The following APPL1 variants were observed in gnomAD, a reference collection of about 807,000 sequenced individuals.
APPL1 encodes the protein DCC-interacting protein 13-alpha.
APPL1 carries 42 observed loss-of-function variants against 106.8 expected under a neutral mutation model. The ratio of observed to expected loss-of-function variants is 0.39; its 90% confidence interval spans 0.31 to 0.51. The LOEUF is 0.51. Ranked by LOEUF, APPL1 falls within the 20% of genes least tolerant of loss-of-function variation. APPL1 has a pLI of 0.75. For synonymous variants in APPL1, 263 were observed against 281.8 expected (o/e 0.93, Z 0.67); for missense variants, 769 against 858.2 (o/e 0.90, Z 1.30).
chr3:57,231,668 C>T (rs996868882), intron 1 of APPL1, among the ~76,000 whole-genome samples: 2 of 151,742 alleles, frequency 1.3e-5, no homozygotes, highest in African/African-American at 2.4e-5. Flanking sequence ...ATTAGCTGGG[C>T]GTGGTGGCAT....
chr3:57,268,036 T>A, intron 20 of APPL1: 2 of 522,950 alleles, frequency 3.8e-6, no homozygotes, highest in African/African-American at 2.0e-5. Context: ...GAGGTTGCAA[T>A]GAGCCGAGAT....
chr3:57,250,150 C>T (rs1406188329), intron 11 of APPL1, among the ~76,000 whole-genome samples: 1 of 152,006 alleles, frequency 6.6e-6, no homozygotes, highest in Non-Finnish European at 1.5e-5. Context: ...ATTTCTGTTA[C>T]CTTTTTTTGA....
Position 57,273,236 on chromosome 3 carries a change from ATACTAT to A in APPL1, c.*3552_*3557del, listed in dbSNP as rs2060958590. On this transcript the variant is annotated 3_prime_UTR_variant, in exon 22 of 22. Transcript: ENST00000288266. The stretch of plus-strand genomic sequence containing the variant: ...AAGTGAATTGATTCTTATTTCACTG[ATACTAT>A]TAATCATGCAGTGTACAATTCAAAA... The A allele has an allele frequency of 6.6e-6, 1 of 152,652 alleles. No homozygotes were observed. Among genetic ancestry groups the A allele is most frequent in the African/African-American group, 2.4e-5 (1 of 41,460 alleles). 9.5% of individuals were successfully genotyped at this position (152,652 alleles called of 1,614,324 possible).
At position 57,249,390 on chromosome 3, in the gene APPL1, C is replaced by T. The variant is rs201123189; in HGVS notation, c.894C>T (p.Asp298=). 9 of 1,614,136 alleles carry T rather than the reference C, an allele frequency of 5.6e-6. No homozygotes were observed. In the African/African-American group the frequency reaches 9.3e-5, roughly 17 times the overall value. Residue 298 remains aspartate (D), a synonymous_variant, in exon 11 of 22, where the codon GAC becomes GAT. Transcript: ENST00000288266. ...CAGGCTTGGTGTCATCTACCTGGGA[C>T]AGACAGTTTTACTTCACGCAGGGTG... The part of the protein sequence containing the change: ...NKTGLVSSTW[D]RQFYFTQGGN...
At chr3:57,265,146 GT>G (rs200761095) in intron 19 of APPL1, among the ~76,000 whole-genome samples, 1 of 150,934 alleles carries the variant, frequency 6.6e-6, no homozygotes, top group Non-Finnish European at 1.5e-5. Context: ...ATAGTTTTTT[GT>G]TTTTTTTGTT....
intron 7 of APPL1, among the ~76,000 whole-genome samples, chr3:57,244,005 C>T (rs891190331): frequency 1.3e-5 from 2 of 152,084 alleles, no homozygotes; most frequent in East Asian, 1.9e-4. Context: ...TGAAGGCATG[C>T]AGGTGGACTA....
chr3:57,237,615 TCAA>T, intron 3 of APPL1, 64 bp downstream of exon 3: 1 of 1,162,824 alleles, frequency 8.6e-7, no homozygotes, highest in South Asian at 1.6e-5. Flanking sequence ...AGATAGACTT[TCAA>T]CAAGAATCCT....
chr3:57,256,946 A>T lies in APPL1; in HGVS notation c.1153-11A>T, dbSNP rs1364829375. The T allele has an allele frequency of 6.2e-7, 1 of 1,611,792 alleles. No homozygotes were observed. Among genetic ancestry groups the T allele is most frequent in the African/African-American group, 1.3e-5 (1 of 74,750 alleles). ...ACTAATATTAGTCCTTTTTTAAAAA[A>T]ATTGAAATAGGAAACTGCTGCACGA... On this transcript the variant is annotated splice_polypyrimidine_tract_variant and intron_variant, in intron 13 of 21. Transcript: ENST00000288266.
intron 19 of APPL1, among the ~76,000 whole-genome samples, chr3:57,262,159 C>T (rs1212300390): frequency 6.6e-6 from 1 of 151,602 alleles, no homozygotes; most frequent in Non-Finnish European, 1.5e-5. Flanking sequence ...GATATTAGTC[C>T]CCAGTTGGAT....
At chr3:57,243,353 A>C (rs1204090201) in intron 7 of APPL1, among the ~76,000 whole-genome samples, 1 of 152,254 alleles carries the variant, frequency 6.6e-6, no homozygotes, top group Non-Finnish European at 1.5e-5. Context: ...GAAATACAGA[A>C]ATATTACACT....
chr3:57,229,143 A>G (rs1286877085), intron 1 of APPL1, among the ~76,000 whole-genome samples: 1 of 152,252 alleles, frequency 6.6e-6, no homozygotes, highest in Non-Finnish European at 1.5e-5. Flanking sequence ...CATTTGGTTT[A>G]TCTTGACTGC....
chr3:57,249,572 A>G (rs2107603658), intron 11 of APPL1, 24 bp downstream of exon 11: 3 of 1,531,350 alleles, frequency 2.0e-6, no homozygotes, highest in Non-Finnish European at 2.6e-6. Flanking sequence ...TTCTACTACT[A>G]CTAATCTATA....
chr3:57,250,261 A>G (rs1196075749), intron 11 of APPL1, among the ~76,000 whole-genome samples: 1 of 151,996 alleles, frequency 6.6e-6, no homozygotes, highest in Non-Finnish European at 1.5e-5. Flanking sequence ...CTACCTCAGG[A>G]TCCCAAGTTG....
At chr3:57,233,258 AC>A (rs1446138673) in intron 1 of APPL1, among the ~76,000 whole-genome samples, 1 of 152,246 alleles carries the variant, frequency 6.6e-6, no homozygotes, top group Non-Finnish European at 1.5e-5. Context: ...GATGCATCTT[AC>A]AATGGATACC....
chr3:57,264,286 T>A (rs1340755257), intron 19 of APPL1, among the ~76,000 whole-genome samples: 5 of 152,322 alleles, frequency 3.3e-5, no homozygotes, highest in African/African-American at 1.2e-4. Flanking sequence ...TATTAATCCC[T>A]TGTCAGATGA....
chr3:57,259,936 G>C lies in APPL1; in HGVS notation c.1575G>C (p.Met525Ile), dbSNP rs763536989. The change falls in exon 17 of 22, where the codon ATG becomes ATC. Residue 525 changes from methionine (M) to isoleucine (I), a missense_variant. Transcript: ENST00000288266. The part of the protein sequence containing the change: ...DDHPDVVYET[M>I]RQILAARAIH... Reference sequence around the variant, plus strand: ...ATCCAGATGTTGTTTATGAAACTATGCGCCAAATCTTAGCTGCCCGGGCCA... The same window carrying C: ...ATCCAGATGTTGTTTATGAAACTATCCGCCAAATCTTAGCTGCCCGGGCCA... The C allele has an allele frequency of 2.1e-5, 34 of 1,613,754 alleles. No individual in the cohort carries two copies. The highest frequency in any genetic ancestry group is 2.7e-5 in the Non-Finnish European group (32 of 1,179,982).
chr3:57,266,742 T>TTAA (rs2060896399), intron 19 of APPL1, among the ~76,000 whole-genome samples: 1 of 152,174 alleles, frequency 6.6e-6, no homozygotes, highest in African/African-American at 2.4e-5. Context: ...GTTTAAGTCT[T>TTAA]TAATGTATTT....
chr3:57,272,933 G>A lies in APPL1; in HGVS notation c.*3246G>A, dbSNP rs1913302. 101,884 of 152,302 alleles carry A rather than the reference G, an allele frequency of 0.67. 34,485 individuals carry two copies. Among genetic ancestry groups the A allele is most frequent in the East Asian group, 0.92 (4,778 of 5,178 alleles). 9.4% of individuals were successfully genotyped at this position (152,302 alleles called of 1,614,324 possible). ...AATTATTAATGTTGGTTCTGAAACA[G>A]CCTCTTAGCATTCAGATTGTATTTT... On this transcript the variant is annotated 3_prime_UTR_variant, in exon 22 of 22. Coordinates refer to ENST00000288266, the MANE Select transcript of APPL1 (RefSeq NM_012096.3).
intron 19 of APPL1, among the ~76,000 whole-genome samples, chr3:57,263,592 C>T (rs954797220): frequency 6.6e-5 from 10 of 152,122 alleles, no homozygotes; most frequent in Non-Finnish European, 1.3e-4. Flanking sequence ...GACAGAATCT[C>T]ATTCTTTTTT....
Sources: allele counts gnomAD v4.1 joint callset (sites outside exome capture counted in the v4.1 genomes callset), GRCh38; gene constraint gnomAD v4.1.1; transcripts MANE v1.5; gene names NCBI Gene and HGNC (gene_info 2026-07-23, HGNC 2026-07-21).